The following MAD1L1 variants were observed in gnomAD, a reference collection of about 807,000 sequenced individuals.
MAD1L1 encodes the protein mitotic arrest deficient 1 like 1.
In MAD1L1, 95 loss-of-function variants were observed where a neutral mutation model predicts 96.9. The observed-to-expected ratio is 0.98, with a 90% CI of 0.83 to 1.16. The LOEUF (loss-of-function observed/expected upper bound fraction) is 1.16. Ranked by LOEUF, MAD1L1 falls within the 50% of genes most tolerant of loss-of-function variation. The probability of loss-of-function intolerance (pLI) is 0.00; values close to 1 mark genes in which losing one functional copy is unlikely to be tolerated. For missense variants in MAD1L1, 1,007 were observed against 954.4 expected (o/e 1.06, Z -0.73); for synonymous variants, 473 against 396.6 (o/e 1.19, Z -2.29).
intron 11 of MAD1L1, among the ~76,000 whole-genome samples, chr7:2,085,700 C>T (rs1303287145): frequency 6.6e-6 from 1 of 152,144 alleles, no homozygotes; most frequent in Non-Finnish European, 1.5e-5. Context: ...GGTGGACAGC[C>T]GTGTTGTTTT....
At chr7:2,006,245 A>T (rs1782024921) in intron 13 of MAD1L1, among the ~76,000 whole-genome samples, 1 of 152,136 alleles carries the variant, frequency 6.6e-6, no homozygotes, top group Admixed American at 6.5e-5. Context: ...CAGCTCCAAC[A>T]GGGTAAGTGG....
intron 12 of MAD1L1, among the ~76,000 whole-genome samples, chr7:2,059,560 G>A (rs1350095853): frequency 1.3e-5 from 2 of 151,154 alleles, no homozygotes; most frequent in Non-Finnish European, 3.0e-5. Context: ...GGGCTGGCGG[G>A]GAAGCATGGC....
intron 12 of MAD1L1, among the ~76,000 whole-genome samples, chr7:2,056,602 C>G (rs763539730): frequency 6.6e-6 from 1 of 152,188 alleles, no homozygotes; most frequent in Non-Finnish European, 1.5e-5. Flanking sequence ...CCCACGTGAG[C>G]GAGGGCGGTG....
At chr7:2,172,606 C>T (rs1387342008) in intron 10 of MAD1L1, among the ~76,000 whole-genome samples, 1 of 152,254 alleles carries the variant, frequency 6.6e-6, no homozygotes. Context: ...CACTCGCCAC[C>T]TTGGCCGGCT....
rs912458922 is a variant in MAD1L1 at position 1,968,846 on chromosome 7, G to C, written c.1506-11127C>G. ...AAAGACAAAACTGTCACCGACCAGC[G>C]GCAGAAGAGATGTGACGACTAAAAT... On this transcript the variant is annotated intron_variant, in intron 15 of 18. Transcript: ENST00000265854. The surrounding 1 kb of genome is among the most constrained non-coding windows in gnomAD (Gnocchi z 5.6). Among the ~76,000 whole-genome samples the C allele has an allele frequency of 6.6e-6, 1 of 152,222 alleles. No individual in the cohort carries two copies. The highest frequency in any genetic ancestry group is 1.9e-4 in the East Asian group (1 of 5,192).
chr7:2,003,267 C>G (rs989018918), intron 13 of MAD1L1, among the ~76,000 whole-genome samples: 3 of 152,076 alleles, frequency 2.0e-5, no homozygotes, highest in African/African-American at 7.2e-5. Context: ...TGTGTATGTG[C>G]GTGTACACAA....
In MAD1L1 at chr7:1,936,822, G is replaced by T; in HGVS notation, c.1672C>A (p.Arg558Ser). The T allele has an allele frequency of 6.2e-7, 1 of 1,602,456 alleles. No homozygotes were observed. Reference sequence around the variant, plus strand: ...GCCTGCAGCTGGCTGTGGTCCTCGCGCAGGCGCTGCCTGGCCACACTGGTG... The same window carrying T: ...GCCTGCAGCTGGCTGTGGTCCTCGCTCAGGCGCTGCCTGGCCACACTGGTG... ...NPTSVARQRL[R>S]EDHSQLQAEC... is the part of the protein sequence containing the mutation. Residue 558 changes from arginine to serine, a missense_variant, in exon 17 of 19, where the codon CGC becomes AGC. Arg to Ser is a moderately radical substitution (Grantham distance 110). Transcript: ENST00000265854.
intron 15 of MAD1L1, among the ~76,000 whole-genome samples, chr7:1,979,470 C>T (rs1780794279): frequency 1.3e-5 from 2 of 152,268 alleles, no homozygotes; most frequent in Admixed American, 6.5e-5. Context: ...CGGGTTGCCC[C>T]ACAGCCACTT....
intron 11 of MAD1L1, among the ~76,000 whole-genome samples, chr7:2,071,605 C>A (rs979076866): frequency 6.6e-6 from 1 of 152,190 alleles, no homozygotes; most frequent in Non-Finnish European, 1.5e-5. Flanking sequence ...ACTAGAGGCT[C>A]GGGACTTCAG....
chr7:2,107,226 G>A (rs1787146529), intron 11 of MAD1L1, among the ~76,000 whole-genome samples: 2 of 152,222 alleles, frequency 1.3e-5, no homozygotes, highest in African/African-American at 2.4e-5. Flanking sequence ...GGGACAGTCA[G>A]AGTTGGTGAG....
At chr7:1,917,637 A>G (rs1450773927) in intron 17 of MAD1L1, among the ~76,000 whole-genome samples, 5 of 152,248 alleles carry the variant, frequency 3.3e-5, no homozygotes, top group African/African-American at 1.2e-4. Flanking sequence ...GCCAGAAAGA[A>G]AGAGGAGAGA....
chr7:1,863,249 G>C (rs892426665), intron 18 of MAD1L1, among the ~76,000 whole-genome samples: 1 of 152,272 alleles, frequency 6.6e-6, no homozygotes. Flanking sequence ...TGAATGCCGG[G>C]TGCGGCTCAT....
At chr7:2,019,026 T>C (rs1240414253) in intron 12 of MAD1L1, among the ~76,000 whole-genome samples, 3 of 152,204 alleles carry the variant, frequency 2.0e-5, no homozygotes, top group Non-Finnish European at 4.4e-5. Flanking sequence ...AGCCCTGTTC[T>C]AATTACCTCT....
At position 1,832,637 on chromosome 7, in the gene MAD1L1, G is replaced by GGA. The variant is rs796852713; in HGVS notation, c.1999-16410_1999-16409insTC. Among the ~76,000 whole-genome samples the GGA allele has an allele frequency of 1.3e-3, 44 of 35,048 alleles. 4 individuals carry two copies. Among genetic ancestry groups the GGA allele is most frequent in the African/African-American group, 3.5e-3 (40 of 11,520 alleles). 23.0% of individuals were successfully genotyped at this position (35,048 alleles called of 152,430 possible). A position where few individuals can be genotyped will look rare whatever the true frequency, so the allele number is the denominator to read the frequency against. On this transcript the variant is annotated intron_variant, in intron 18 of 18. Transcript: ENST00000265854. ...GCTGTGTTTTTTTTTTTTTGGCGGG[G>GGA]GGGGGGGGGGTGGGGATGGAGTCGT...
At chr7:1,856,201 C>T (rs900933597) in intron 18 of MAD1L1, among the ~76,000 whole-genome samples, 4 of 152,226 alleles carry the variant, frequency 2.6e-5, no homozygotes, top group African/African-American at 9.6e-5. Flanking sequence ...TCCACACGTG[C>T]CTCTGAATAG....
intron 11 of MAD1L1, among the ~76,000 whole-genome samples, chr7:2,100,165 C>A (rs146564348): frequency 6.6e-6 from 1 of 152,336 alleles, no homozygotes; most frequent in African/African-American, 2.4e-5. Flanking sequence ...TGCTTTACGA[C>A]GGCCAGCGCA....
At chr7:1,983,148 GCGCGCGCACACACACACA>G (rs775065618) in intron 14 of MAD1L1, among the ~76,000 whole-genome samples, 23 of 41,586 alleles carry the variant, frequency 5.5e-4, no homozygotes, top group East Asian at 5.4e-3. Flanking sequence ...GCGCGCGCGC[GCGCGCGCACACACACACA>G]CACACACACA....
chr7:1,850,401 T>G (rs1167817743), intron 18 of MAD1L1, among the ~76,000 whole-genome samples: 3 of 152,216 alleles, frequency 2.0e-5, no homozygotes, highest in Admixed American at 2.0e-4. Flanking sequence ...TGGGCCCAGC[T>G]CAGCCCCCTG....
chr7:2,082,293 G>A (rs1375097717), intron 11 of MAD1L1, among the ~76,000 whole-genome samples: 8 of 151,942 alleles, frequency 5.3e-5, no homozygotes, highest in Non-Finnish European at 7.4e-5. Flanking sequence ...GAAGGAGAGC[G>A]GGGACCATGG....
Sources: gnomAD v4.1 joint callset for allele counts (sites outside exome capture counted in the v4.1 genomes callset) on GRCh38, gnomAD v4.1.1 for gene constraint, Gnocchi (gnomAD v3.1) non-coding constraint, MANE v1.5 for transcripts, NCBI Gene and HGNC (gene_info 2026-07-23, HGNC 2026-07-21) for gene names.